Variants in ASMTL observed in about 807,000 individuals in gnomAD.
ASMTL encodes acetylserotonin O-methyltransferase like.
In ASMTL, 57 loss-of-function variants were observed where a neutral mutation model predicts 60.3. That is an observed-to-expected ratio of 0.95 (90% CI 0.76 to 1.18). The LOEUF is 1.18. Ranked by LOEUF, ASMTL falls within the 50% of genes most tolerant of loss-of-function variation. ASMTL has a pLI of 0.00. For missense variants in ASMTL, 981 were observed against 852.6 expected (o/e 1.15, Z -1.88); for synonymous variants, 419 against 373.0 (o/e 1.12, Z -1.42).
chrX:1,427,997 A>C lies in ASMTL; in HGVS notation c.634T>G (p.Tyr212Asp). 6.2e-7 allele frequency: 1 copy of C among 1,613,596 alleles called. No individual in the cohort carries two copies. The highest frequency in any genetic ancestry group is 8.5e-7 in the Non-Finnish European group (1 of 1,179,850). ...AGGTCCTCCGGACGGGGCGGGTAGT[A>C]GAGCTTCACCAGCTGCTTGCAGAAG... is the stretch of plus-strand genomic sequence containing the variant. ...NHFCKQLVKL[Y>D]YPPRPEDLRR... Residue 212 changes from tyrosine (Y) to aspartate (D), a missense_variant, in exon 7 of 13, where the codon TAC becomes GAC. Coordinates refer to ENST00000381317, the MANE Select transcript of ASMTL (RefSeq NM_004192.4).
chrX:1,438,993 A>G, intron 3 of ASMTL, 104 bp downstream of exon 3: 1 of 1,253,812 alleles, frequency 8.0e-7, no homozygotes. Flanking sequence ...AAGCGAGTCC[A>G]CTGCTGTCTT....
chrX:1,432,300 G>GCAGCTCCTCGGA lies in ASMTL; in HGVS notation c.466_477dup (p.Ser156_Leu159dup). The GCAGCTCCTCGGA allele has an allele frequency of 6.2e-7, 1 of 1,612,758 alleles. No individual in the cohort carries two copies. The highest frequency in any genetic ancestry group is 8.5e-7 in the Non-Finnish European group (1 of 1,179,636). ...TCCCCGCTGTGGACGTATTCCCAGA[G>GCAGCTCCTCGGA]CAGCTCCTCGGACAGCTCCGAGAAC... On this transcript the variant is annotated inframe_insertion, in exon 6 of 13. Coordinates refer to ENST00000381317, the MANE Select transcript of ASMTL (RefSeq NM_004192.4).
chrX:1,427,615 G>T, intron 7 of ASMTL, 119 bp downstream of exon 7: 2 of 1,115,210 alleles, frequency 1.8e-6, no homozygotes, highest in Non-Finnish European at 2.6e-6. Flanking sequence ...GCATGGCCCT[G>T]AGACAACCTG....
intron 1 of ASMTL, among the ~76,000 whole-genome samples, chrX:1,450,970 G>GA (rs2091358617): frequency 7.1e-6 from 1 of 140,380 alleles, no homozygotes; most frequent in Non-Finnish European, 1.6e-5. Flanking sequence ...ATCCCTAGGG[G>GA]TCCTGGGTTA....
intron 1 of ASMTL, among the ~76,000 whole-genome samples, chrX:1,445,525 C>T (rs1337657780): frequency 6.6e-6 from 1 of 152,102 alleles, no homozygotes; most frequent in Non-Finnish European, 1.5e-5. Context: ...GGGACCTTGA[C>T]AACTTTATCA....
At position 1,439,253 on chromosome X, in the gene ASMTL, G is replaced by A. The variant is rs761350389; in HGVS notation, c.226-109C>T. The A allele has an allele frequency of 2.6e-5, 29 of 1,124,400 alleles. No homozygotes were observed. In the East Asian group the frequency reaches 3.6e-4, roughly 14 times the overall value. 69.7% of individuals were successfully genotyped at this position (1,124,400 alleles called of 1,614,324 possible). A position where few individuals can be genotyped will look rare whatever the true frequency, so the allele number is the denominator to read the frequency against. Reference sequence around the variant, plus strand: ...AGCACCGCAGGGGCGAAGCCAGGCCGACTTTGGAAGTGAAGGCTGGGGGTG... The same window carrying A: ...AGCACCGCAGGGGCGAAGCCAGGCCAACTTTGGAAGTGAAGGCTGGGGGTG... On this transcript the variant is annotated intron_variant, in intron 2 of 12. Transcript: ENST00000381317.
intron 5 of ASMTL, 124 bp from the exon 6 acceptor site, chrX:1,432,501 C>T (rs1409769022): frequency 1.4e-6 from 1 of 721,376 alleles, no homozygotes; most frequent in Admixed American, 2.2e-5. Flanking sequence ...GATATGGATG[C>T]TTCATGGGAG....
intron 6 of ASMTL, among the ~76,000 whole-genome samples, chrX:1,429,618 C>T (rs1482537174): frequency 1.3e-5 from 2 of 151,946 alleles, no homozygotes; most frequent in African/African-American, 4.8e-5. Flanking sequence ...GCCAACATGG[C>T]AAAACCCCTT....
chrX:1,451,972 C>T lies in ASMTL; in HGVS notation c.93+776G>A, dbSNP rs142549146. 1.2e-3 allele frequency among the ~76,000 whole-genome samples: 176 copies of T among 146,614 alleles called. 2 individuals carry two copies. Among genetic ancestry groups the T allele is most frequent in the African/African-American group, 4.2e-3 (165 of 39,300 alleles). On this transcript the variant is annotated intron_variant, in intron 1 of 12. Coordinates refer to ENST00000381317, the MANE Select transcript of ASMTL (RefSeq NM_004192.4). ...CACATGCCTAGGGCGTCCTGGGTTA[C>T]TCTCCCCACCCCCATCGCTAGGGGG...
intron 12 of ASMTL, among the ~76,000 whole-genome samples, chrX:1,405,971 C>T (rs1275312974): frequency 8.0e-6 from 1 of 125,658 alleles, no homozygotes; most frequent in Non-Finnish European, 1.7e-5. Context: ...ATGATGGGTA[C>T]GTAGATAGAT....
rs780461596 is a variant in ASMTL, at chrX:1,421,716, C to T, written c.1187G>A (p.Arg396Gln). The T allele has an allele frequency of 1.5e-5, 25 of 1,613,796 alleles. No homozygotes were observed. The highest frequency in any genetic ancestry group is 1.1e-4 in the East Asian group (5 of 44,902). Residue 396 changes from arginine to glutamine, a missense_variant, in exon 9 of 13, where the codon CGA becomes CAA. Transcript: ENST00000381317. Reference protein sequence around the residue: ...NLFTYLEFAIREGTNQHHRAL... With the variant: ...NLFTYLEFAIQEGTNQHHRAL... The stretch of plus-strand genomic sequence containing the variant: ...CCTGTGGTGCTGGTTTGTTCCCTCT[C>T]GGATGGCAAACTCCAGGTATGTAAA...
intron 11 of ASMTL, among the ~76,000 whole-genome samples, chrX:1,416,824 T>C (rs5949022): frequency 0.93 from 139,743 of 149,812 alleles, 65,647 homozygotes; most frequent in East Asian, 1. Context: ...TGCACACAGA[T>C]ACAGATGGGC....
chrX:1,416,266 C>A (rs111163216), intron 11 of ASMTL, among the ~76,000 whole-genome samples: 1 of 150,042 alleles, frequency 6.7e-6, no homozygotes, highest in East Asian at 1.9e-4. Context: ...CGCACGGACA[C>A]ACAGATACAC....
At chrX:1,439,719 T>C (rs1350767829) in intron 2 of ASMTL, among the ~76,000 whole-genome samples, 12 of 151,068 alleles carry the variant, frequency 7.9e-5, no homozygotes, top group Non-Finnish European at 1.6e-4. Context: ...ACCTGTAATC[T>C]CAGCTACTCA....
chrX:1,419,102 GGTA>G lies in ASMTL; in HGVS notation c.1255_1257del (p.Tyr419del), dbSNP rs1410004440. The G allele has an allele frequency of 3.1e-6, 5 of 1,611,138 alleles. No individual in the cohort carries two copies. Among genetic ancestry groups the G allele is most frequent in the Non-Finnish European group, 4.2e-6 (5 of 1,179,522 alleles). ...AACCTCAGCCGCGTCTCCGGGCTCT[GGTA>G]GTACGCATCCTGGAACACAGCAGGT... On this transcript the variant is annotated inframe_deletion, in exon 10 of 13. Transcript: ENST00000381317.
intron 6 of ASMTL, among the ~76,000 whole-genome samples, chrX:1,431,529 C>T (rs766288164): frequency 5.7e-5 from 8 of 139,584 alleles, no homozygotes; most frequent in African/African-American, 2.1e-4. Context: ...CATTAAATTT[C>T]AATCAAAAGT....
At chrX:1,436,490 C>G (rs1344504661) in intron 3 of ASMTL, among the ~76,000 whole-genome samples, 1 of 152,108 alleles carries the variant, frequency 6.6e-6, no homozygotes, top group Non-Finnish European at 1.5e-5. Context: ...GTAGCTGGGA[C>G]TACAGGCGCC....
At chrX:1,404,741 G>A (rs1247841339) in intron 12 of ASMTL, among the ~76,000 whole-genome samples, 1 of 150,926 alleles carries the variant, frequency 6.6e-6, no homozygotes, top group Non-Finnish European at 1.5e-5. Context: ...ATGGATGGGT[G>A]AATAGATGGT....
At chrX:1,434,391 G>T (rs2090902490) in intron 5 of ASMTL, among the ~76,000 whole-genome samples, 2 of 151,876 alleles carry the variant, frequency 1.3e-5, no homozygotes. Flanking sequence ...TGTAGGGGCT[G>T]AGGCGGGAGG....
Sources: allele counts gnomAD v4.1 joint callset (sites outside exome capture counted in the v4.1 genomes callset), GRCh38; gene constraint gnomAD v4.1.1; transcripts MANE v1.5; gene names NCBI Gene and HGNC (gene_info 2026-07-23, HGNC 2026-07-21).